PLOD1: variants seen among roughly 807,000 people sequenced by gnomAD.
PLOD1 encodes the protein procollagen-lysine,2-oxoglutarate 5-dioxygenase 1.
A neutral mutation model predicts 94.7 loss-of-function variants in PLOD1; 70 were observed. The observed-to-expected ratio is 0.74, with a 90% confidence interval of 0.61 to 0.90. PLOD1 has a LOEUF of 0.90. Ranked by LOEUF, PLOD1 falls within the 40% of genes least tolerant of loss-of-function variation. PLOD1 has a pLI of 0.00. For missense variants in PLOD1, 905 were observed against 972.7 expected, an observed-to-expected ratio of 0.93 and a Z score of 0.93; for synonymous variants, 417 against 400.2, an observed-to-expected ratio of 1.04 and a Z score of -0.50.
At chr1:11,964,144 G>A (rs775782588) in intron 11 of PLOD1, 31 bp from the exon 12 acceptor site, 21 of 1,611,618 alleles carry the variant, frequency 1.3e-5, no homozygotes, top group East Asian at 2.2e-5. Context: ...AGTGGGCAGC[G>A]ACCTCCTACT....
At chr1:11,943,627 G>C (rs1645629759) in intron 1 of PLOD1, among the ~76,000 whole-genome samples, 1 of 152,052 alleles carries the variant, frequency 6.6e-6, no homozygotes, top group Non-Finnish European at 1.5e-5. Context: ...TCCCAGTGTG[G>C]GCTCTCAGCA....
chr1:11,968,475 C>G (rs554627715), intron 16 of PLOD1, among the ~76,000 whole-genome samples: 15 of 151,902 alleles, frequency 9.9e-5, no homozygotes, highest in Admixed American at 7.9e-4. Context: ...ATTCATATCT[C>G]CTATGTACTT....
At chr1:11,951,485 G>A (rs1645700942) in intron 4 of PLOD1, among the ~76,000 whole-genome samples, 1 of 151,646 alleles carries the variant, frequency 6.6e-6, no homozygotes, top group Non-Finnish European at 1.5e-5. Context: ...AGAATCTCTT[G>A]AACCCAGGAG....
At chr1:11,939,733 G>C (rs539733802) in intron 1 of PLOD1, among the ~76,000 whole-genome samples, 1 of 151,958 alleles carries the variant, frequency 6.6e-6, no homozygotes, top group African/African-American at 2.4e-5. Flanking sequence ...TCAGTCTCCC[G>C]AGTAGCTGGG....
chr1:11,942,008 A>C (rs1054801718), intron 1 of PLOD1, among the ~76,000 whole-genome samples: 2 of 139,364 alleles, frequency 1.4e-5, no homozygotes, highest in African/African-American at 5.6e-5. Flanking sequence ...TTTGAGACAG[A>C]GTTTCACCCT....
At chr1:11,967,609 A>G (rs1468119964) in intron 16 of PLOD1, among the ~76,000 whole-genome samples, 4 of 124,414 alleles carry the variant, frequency 3.2e-5, no homozygotes, top group African/African-American at 9.3e-5. Flanking sequence ...ATATATATAT[A>G]TATATAAAAA....
chr1:11,955,000 T>C (rs1645728778), intron 6 of PLOD1, 107 bp downstream of exon 6: 1 of 872,106 alleles, frequency 1.1e-6, no homozygotes, highest in Admixed American at 1.9e-5. Flanking sequence ...TTTCTGGCCA[T>C]TGTGCTGAGA....
chr1:11,974,988 C>A lies in PLOD1; in HGVS notation c.*180C>A. 1.4e-6 allele frequency: 1 copy of A among 703,720 alleles called. No individual in the cohort carries two copies. The highest frequency in any genetic ancestry group is 2.6e-6 in the Non-Finnish European group (1 of 388,654). 43.6% of individuals were successfully genotyped at this position (703,720 alleles called of 1,614,324 possible). ...ATTCCTGCAGGCCAGAGGCGGAACA[C>A]ACCTTTATGGCTGGGGCTCTCCGTG... On this transcript the variant is annotated 3_prime_UTR_variant, in exon 19 of 19. Coordinates refer to ENST00000196061, the MANE Select transcript of PLOD1 (RefSeq NM_000302.4).
chr1:11,946,338 G>A lies in PLOD1; in HGVS notation c.77-1638G>A, dbSNP rs182415204. 2.2e-3 allele frequency among the ~76,000 whole-genome samples: 338 copies of A among 152,302 alleles called. 1 individual carries two copies. Among genetic ancestry groups the A allele is most frequent in the Non-Finnish European group, 4.1e-3 (276 of 68,026 alleles). On this transcript the variant is annotated intron_variant, in intron 1 of 18. Transcript: ENST00000196061. ...TCCAGAAGATTCTGTTGCAGAGGCA[G>A]GCCACACTACAGAGCCTGGGAGAGG...
chr1:11,973,208 G>A (rs1197738291), intron 18 of PLOD1, among the ~76,000 whole-genome samples: 1 of 152,146 alleles, frequency 6.6e-6, no homozygotes, highest in Admixed American at 6.6e-5. Context: ...ACTATTTTAA[G>A]AGATTTTTGG....
chr1:11,965,165 T>A (rs1569723650), intron 13 of PLOD1, among the ~76,000 whole-genome samples: 1 of 151,566 alleles, frequency 6.6e-6, no homozygotes, highest in Non-Finnish European at 1.5e-5. Context: ...TTTTTTTTTT[T>A]AAACATGCAG....
At chr1:11,942,728 T>C (rs1204636708) in intron 1 of PLOD1, among the ~76,000 whole-genome samples, 1 of 152,094 alleles carries the variant, frequency 6.6e-6, no homozygotes, top group African/African-American at 2.4e-5. Flanking sequence ...AGGGGATGGA[T>C]TGGACCAGTG....
rs3818157 is a variant in PLOD1, at chr1:11,967,251, G to A, written c.1755+160G>A. On this transcript the variant is annotated intron_variant, in intron 16 of 18. Coordinates refer to ENST00000196061, the MANE Select transcript of PLOD1 (RefSeq NM_000302.4). ...TATCTGCAGGCAGGTAGGAGTAGAG[G>A]GATTGAGAAACCTGAGATGGAGTTT... 0.51 allele frequency among the ~76,000 whole-genome samples: 76,752 copies of A among 151,736 alleles called. 20,013 individuals are homozygous for A. The highest frequency in any genetic ancestry group is 0.64 in the East Asian group (3,257 of 5,124).
chr1:11,951,026 T>G (rs1366027072), intron 4 of PLOD1, among the ~76,000 whole-genome samples: 1 of 151,954 alleles, frequency 6.6e-6, no homozygotes, highest in Non-Finnish European at 1.5e-5. Context: ...ACTCCTGGCC[T>G]TAAGTGATCC....
At position 11,975,116 on chromosome 1, in the gene PLOD1, C is replaced by T. The variant is rs886045213; in HGVS notation, c.*308C>T. The T allele has an allele frequency of 2.2e-6, 1 of 449,862 alleles. No homozygotes were observed. The highest frequency in any genetic ancestry group is 2.0e-5 in the African/African-American group (1 of 50,054). 27.9% of individuals were successfully genotyped at this position (449,862 alleles called of 1,614,324 possible). A position where few individuals can be genotyped will look rare whatever the true frequency, so the allele number is the denominator to read the frequency against. On this transcript the variant is annotated 3_prime_UTR_variant, in exon 19 of 19. Transcript: ENST00000196061. ...CTGAAAAACCAAGGCCCCCTTCCCC[C>T]ACCTCTTCCATGGGGTGAGACTTGA...
chr1:11,935,560 C>T lies in PLOD1; in HGVS notation c.76+705C>T, dbSNP rs553397342. Among the ~76,000 whole-genome samples the T allele has an allele frequency of 8.3e-4, 126 of 151,344 alleles. 1 individual carries two copies. The highest frequency in any genetic ancestry group is 3.0e-3 in the African/African-American group (122 of 41,304). On this transcript the variant is annotated intron_variant, in intron 1 of 18. Transcript: ENST00000196061. ...TTTTTGAGACAGAGTCTTGCTCTGTCGCCCAGGCTGGAACGCAGTATGCGA... is the reference window on the plus strand; with the variant it reads ...TTTTTGAGACAGAGTCTTGCTCTGTTGCCCAGGCTGGAACGCAGTATGCGA...
intron 16 of PLOD1, among the ~76,000 whole-genome samples, chr1:11,970,377 G>A (rs1183873371): frequency 6.6e-6 from 1 of 152,240 alleles, no homozygotes; most frequent in African/African-American, 2.4e-5. Context: ...AGGCTGCAGT[G>A]AGCTGAAGTT....
chr1:11,948,048 T>C lies in PLOD1; in HGVS notation c.149T>C (p.Phe50Ser). The change falls in exon 2 of 19, where the codon TTC (phenylalanine) becomes TCC (serine). Residue 50 changes from phenylalanine (F) to serine (S), a missense_variant. By Grantham distance (155) the Phe-to-Ser change is radical. Transcript: ENST00000196061. ...CGTCGCTTCAAGCGCTCAGCTCAGT[T>C]CTTCAACTACAAGATCCAGGTAAGG... ...GFRRFKRSAQ[F>S]FNYKIQALGL... 1 of 1,613,250 alleles carries C rather than the reference T, an allele frequency of 6.2e-7. No individual in the cohort carries two copies. The highest frequency in any genetic ancestry group is 8.5e-7 in the Non-Finnish European group (1 of 1,179,242).
At chr1:11,940,736 A>G (rs1009559857) in intron 1 of PLOD1, among the ~76,000 whole-genome samples, 1 of 152,210 alleles carries the variant, frequency 6.6e-6, no homozygotes, top group African/African-American at 2.4e-5. Context: ...CCTTAGCCCA[A>G]GGCAGCTGGC....
Sources: allele counts gnomAD v4.1 joint callset (sites outside exome capture counted in the v4.1 genomes callset), GRCh38; gene constraint gnomAD v4.1.1; transcripts MANE v1.5; gene names NCBI Gene and HGNC (gene_info 2026-07-23, HGNC 2026-07-21).